Variants in DECR1 observed in about 807,000 individuals in gnomAD.
DECR1 encodes 2,4-dienoyl-CoA reductase 1.
A neutral mutation model predicts 38.8 loss-of-function variants in DECR1; 44 were observed. The observed-to-expected ratio is 1.13, with a 90% CI of 0.89 to 1.46. DECR1 has a LOEUF of 1.46. DECR1 is among the 40% of genes most tolerant of loss of function. The probability of loss-of-function intolerance (pLI) is 0.00; values close to 1 mark genes in which losing one functional copy is unlikely to be tolerated. For missense variants in DECR1, 428 were observed against 405.5 expected (o/e 1.06, Z -0.48); for synonymous variants, 148 against 135.2 (o/e 1.09, Z -0.66).
At chr8:90,032,354 C>G (rs928119641) in intron 5 of DECR1, among the ~76,000 whole-genome samples, 1 of 152,132 alleles carries the variant, frequency 6.6e-6, no homozygotes, top group Non-Finnish European at 1.5e-5. Context: ...TAGGGACTGA[C>G]TTTCTCTTCT....
intron 1 of DECR1, among the ~76,000 whole-genome samples, chr8:90,004,454 T>C (rs1563610871): frequency 6.6e-6 from 1 of 152,230 alleles, no homozygotes; most frequent in Admixed American, 6.5e-5. Flanking sequence ...AAGTAAGATA[T>C]GACCTCAAAC....
intron 5 of DECR1, among the ~76,000 whole-genome samples, chr8:90,036,504 T>A (rs1457818500): frequency 1.3e-5 from 2 of 152,232 alleles, no homozygotes; most frequent in African/African-American, 4.8e-5. Flanking sequence ...TGATTTATTC[T>A]TATTCAAGTA....
chr8:90,041,825 T>C (rs1813771445), intron 6 of DECR1, among the ~76,000 whole-genome samples: 1 of 152,160 alleles, frequency 6.6e-6, no homozygotes, highest in South Asian at 2.1e-4. Context: ...TATTTCGTTA[T>C]CCTGGCTTTT....
intron 1 of DECR1, among the ~76,000 whole-genome samples, chr8:90,013,244 A>G (rs1812928567): frequency 6.6e-6 from 1 of 152,196 alleles, no homozygotes; most frequent in South Asian, 2.1e-4. Flanking sequence ...TACAACTTCC[A>G]TATGAGAGAC....
chr8:90,022,590 G>A lies in DECR1; in HGVS notation c.565+1534G>A, dbSNP rs28431277. 1.2e-3 allele frequency among the ~76,000 whole-genome samples: 184 copies of A among 151,950 alleles called. 1 individual carries two copies. Among genetic ancestry groups the A allele is most frequent in the African/African-American group, 3.9e-3 (162 of 41,434 alleles). ...CTCCTCTCTCTTCCCTTCTCTGTCC[G>A]AGGAACCTTGATCTCTGTATCTCTC... On this transcript the variant is annotated intron_variant, in intron 5 of 9. Coordinates refer to ENST00000220764, the MANE Select transcript of DECR1 (RefSeq NM_001359.2).
intron 5 of DECR1, among the ~76,000 whole-genome samples, chr8:90,023,232 A>C (rs1403395443): frequency 6.6e-6 from 1 of 152,202 alleles, no homozygotes; most frequent in Non-Finnish European, 1.5e-5. Context: ...ACTTTCTCCC[A>C]AAGTATTTAA....
At position 90,052,321 on chromosome 8, in the gene DECR1, C is replaced by G. The variant is rs1814121218; in HGVS notation, c.*424C>G. On this transcript the variant is annotated 3_prime_UTR_variant, in exon 10 of 10. Coordinates refer to ENST00000220764, the MANE Select transcript of DECR1 (RefSeq NM_001359.2). ...TACACACTAAATATAATAGACTTTGCCTTTCCAGTATACTTTCTTTTCACT... is the reference window on the plus strand; with the variant it reads ...TACACACTAAATATAATAGACTTTGGCTTTCCAGTATACTTTCTTTTCACT... Among the ~76,000 whole-genome samples the G allele has an allele frequency of 6.6e-6, 1 of 152,054 alleles. No individual in the cohort carries two copies. The highest frequency in any genetic ancestry group is 2.4e-5 in the African/African-American group (1 of 41,410).
intron 6 of DECR1, among the ~76,000 whole-genome samples, chr8:90,037,735 C>T (rs752332817): frequency 6.6e-6 from 1 of 152,264 alleles, no homozygotes; most frequent in East Asian, 1.9e-4. Flanking sequence ...AGGCATGAGC[C>T]ACTACACCCA....
chr8:90,033,852 G>A (rs1661364194), intron 5 of DECR1, among the ~76,000 whole-genome samples: 1 of 152,126 alleles, frequency 6.6e-6, no homozygotes, highest in South Asian at 2.1e-4. Flanking sequence ...CTTTCCATTG[G>A]AGCATTTGCT....
At chr8:90,022,559 G>A (rs1053013639) in intron 5 of DECR1, among the ~76,000 whole-genome samples, 1 of 151,994 alleles carries the variant, frequency 6.6e-6, no homozygotes, top group Non-Finnish European at 1.5e-5. Context: ...ACAGGGAAGA[G>A]TGTGACTCCT....
In DECR1 at chr8:90,020,989, CAT is replaced by C. The variant is rs1174872712; in HGVS notation, c.500_501del (p.Ile167SerfsTer18). On this transcript the variant is annotated frameshift_variant, in exon 5 of 10. Coordinates refer to ENST00000220764, the MANE Select transcript of DECR1 (RefSeq NM_001359.2). LOFTEE classifies it high-confidence loss of function. ...CTAATGCTTGGAAAACCATAACTGA[CAT>C]AGTTCTAAATGGCACAGCCTTCGTG... ...SPNAWKTITDIVLNGTAFVTL... is the reference protein window; with the variant it reads ...SPNAWKTITDXVLNGTAFVTL... 6.3e-6 allele frequency: 10 copies of C among 1,597,354 alleles called. No homozygotes were observed. The highest frequency in any genetic ancestry group is 8.5e-6 in the Non-Finnish European group (10 of 1,173,782).
intron 6 of DECR1, among the ~76,000 whole-genome samples, chr8:90,041,609 C>T (rs1017171772): frequency 5.3e-5 from 8 of 152,122 alleles, no homozygotes; most frequent in Admixed American, 2.6e-4. Context: ...AAGCATTTTT[C>T]GTATTAGAGA....
intron 1 of DECR1, among the ~76,000 whole-genome samples, chr8:90,013,853 T>C (rs1249814612): frequency 6.6e-6 from 1 of 152,208 alleles, no homozygotes; most frequent in African/African-American, 2.4e-5. Flanking sequence ...GAGGGGAAGG[T>C]GCAGTGTCAA....
chr8:90,018,868 GAAAAA>G (rs751881956), intron 2 of DECR1, 36 bp from the exon 3 acceptor site: 1 of 1,445,712 alleles, frequency 6.9e-7, no homozygotes, highest in East Asian at 2.3e-5. Context: ...TTATGAAATT[GAAAAA>G]TATAATATGA....
intron 5 of DECR1, among the ~76,000 whole-genome samples, chr8:90,023,594 T>G (rs936975930): frequency 6.6e-6 from 1 of 152,154 alleles, no homozygotes; most frequent in African/African-American, 2.4e-5. Context: ...ATCAAATACA[T>G]TTCCTCCTGA....
In DECR1 at chr8:90,001,573, G is replaced by T; in HGVS notation, c.69+12G>T. ...TCGCTCCTCGGAGGGTAAGGCGGCC[G>T]GGGGCGCGGGGAGCGAGGACAGGGC... On this transcript the variant is annotated intron_variant, in intron 1 of 9. Coordinates refer to ENST00000220764, the MANE Select transcript of DECR1 (RefSeq NM_001359.2). 1 of 1,609,308 alleles carries T rather than the reference G, an allele frequency of 6.2e-7. No individual in the cohort carries two copies. The highest frequency in any genetic ancestry group is 8.5e-7 in the Non-Finnish European group (1 of 1,177,018).
chr8:90,042,799 A>C lies in DECR1; in HGVS notation c.737A>C (p.Lys246Thr). 5 of 1,612,054 alleles carry C rather than the reference A, an allele frequency of 3.1e-6. No homozygotes were observed. The highest frequency in any genetic ancestry group is 2.5e-6 in the Non-Finnish European group (3 of 1,178,258). Residue 246 changes from lysine to threonine, a missense_variant and splice_region_variant, in exon 7 of 10, where the codon AAA becomes ACA. Physicochemically the swap from Lys to Thr is moderately conservative, Grantham distance 78. Coordinates refer to ENST00000220764, the MANE Select transcript of DECR1 (RefSeq NM_001359.2). ...NVIQPGPIKT[K>T]GAFSRLDPTG... Reference sequence around the variant, plus strand: ...ATTCAACCAGGGCCTATAAAAACCAAAGTAAGTTGTATTTTGCTTGTTATC... The same window carrying C: ...ATTCAACCAGGGCCTATAAAAACCACAGTAAGTTGTATTTTGCTTGTTATC...
intron 1 of DECR1, chr8:90,015,560 T>C (rs1270206462): frequency 4.6e-6 from 2 of 433,682 alleles, no homozygotes; most frequent in Non-Finnish European, 9.4e-6. Flanking sequence ...AGCCTCCTTC[T>C]AAATCATTGA....
chr8:90,037,997 G>C (rs1813655176), intron 6 of DECR1, among the ~76,000 whole-genome samples: 1 of 152,128 alleles, frequency 6.6e-6, no homozygotes, highest in Non-Finnish European at 1.5e-5. Context: ...TGGAATAAAA[G>C]CCAGAACTCA....
Sources: allele counts gnomAD v4.1 joint callset (sites outside exome capture counted in the v4.1 genomes callset), GRCh38; gene constraint gnomAD v4.1.1; transcripts MANE v1.5; gene names NCBI Gene and HGNC (gene_info 2026-07-23, HGNC 2026-07-21).